SLC4A10: variants seen among roughly 807,000 people sequenced by gnomAD.
SLC4A10 encodes the protein solute carrier family 4 member 10, also known as sodium-driven chloride bicarbonate exchanger.
In SLC4A10, 42 loss-of-function variants were observed where a neutral mutation model predicts 137.7. The observed-to-expected ratio is 0.30, with a 90% CI of 0.24 to 0.39. The LOEUF is 0.39. SLC4A10 is among the 10% of genes least tolerant of loss of function. SLC4A10 has a pLI of 1.00. For missense variants in SLC4A10, 925 were observed against 1,355.0 expected (o/e 0.68, Z 4.98); for synonymous variants, 474 against 464.1 (o/e 1.02, Z -0.27).
intron 1 of SLC4A10, among the ~76,000 whole-genome samples, chr2:161,768,951 C>T (rs868264390): frequency 4.6e-5 from 7 of 152,010 alleles, no homozygotes; most frequent in Middle Eastern, 3.4e-3. Flanking sequence ...AATTCGTTTC[C>T]CATAGTCATG....
At chr2:161,926,585 A>T (rs1338836050) in intron 15 of SLC4A10, among the ~76,000 whole-genome samples, 12 of 145,670 alleles carry the variant, frequency 8.2e-5, no homozygotes, top group Non-Finnish European at 1.8e-4. Flanking sequence ...TTATGTGTGA[A>T]TTTGATCCTG....
chr2:161,657,383 A>G (rs1378839669), intron 1 of SLC4A10, among the ~76,000 whole-genome samples: 3 of 152,194 alleles, frequency 2.0e-5, no homozygotes, highest in Middle Eastern at 3.4e-3. Flanking sequence ...TACACCATGT[A>G]AAATTCGTAA....
chr2:161,807,349 G>A (rs1167135832), intron 3 of SLC4A10, among the ~76,000 whole-genome samples: 1 of 152,130 alleles, frequency 6.6e-6, no homozygotes, highest in Non-Finnish European at 1.5e-5. Context: ...GGTTCTGAAT[G>A]CCATGAGAGC....
intron 1 of SLC4A10, among the ~76,000 whole-genome samples, chr2:161,679,018 G>A (rs764533182): frequency 6.6e-6 from 1 of 151,980 alleles, no homozygotes; most frequent in Non-Finnish European, 1.5e-5. Context: ...ATTTACTTTA[G>A]TACCTATTAC....
intron 1 of SLC4A10, among the ~76,000 whole-genome samples, chr2:161,721,237 G>A (rs1189223977): frequency 3.3e-5 from 5 of 152,180 alleles, no homozygotes. Context: ...ATGCTAGCTA[G>A]TTATTTTGTA....
At chr2:161,834,887 A>G (rs1057010420) in intron 3 of SLC4A10, among the ~76,000 whole-genome samples, 2 of 152,142 alleles carry the variant, frequency 1.3e-5, no homozygotes, top group Non-Finnish European at 2.9e-5. Flanking sequence ...CTGAACTGAG[A>G]ACCCCAAGGC....
intron 1 of SLC4A10, among the ~76,000 whole-genome samples, chr2:161,714,231 A>G (rs1559089399): frequency 6.6e-6 from 1 of 151,948 alleles, no homozygotes; most frequent in Non-Finnish European, 1.5e-5. Flanking sequence ...CACATTGCCT[A>G]GGAAAGAGCC....
rs959664882 is a variant in SLC4A10 at position 161,808,705 on chromosome 2, A to G, written c.277+4110A>G. Among the ~76,000 whole-genome samples, 7 of 152,148 alleles carry G rather than the reference A, an allele frequency of 4.6e-5. 1 individual carries two copies. Among genetic ancestry groups the G allele is most frequent in the Admixed American group, 4.6e-4 (7 of 15,248 alleles). On this transcript the variant is annotated intron_variant, in intron 3 of 26. Transcript: ENST00000446997. ...TTCCTGAGTTAATTTTTTTAGGATA[A>G]TGATCTCCAGCTGCATTCATGTTGC...
chr2:161,655,420 T>A (rs1588396), intron 1 of SLC4A10, among the ~76,000 whole-genome samples: 2 of 152,054 alleles, frequency 1.3e-5, no homozygotes, highest in Non-Finnish European at 2.9e-5. Context: ...ACGAGAATGG[T>A]CATCCCTGCA....
At chr2:161,944,725 T>A (rs1411337788) in intron 16 of SLC4A10, among the ~76,000 whole-genome samples, 1 of 151,722 alleles carries the variant, frequency 6.6e-6, no homozygotes, top group Non-Finnish European at 1.5e-5. Flanking sequence ...CCAGAAACAG[T>A]CTTTATCACC....
intron 15 of SLC4A10, among the ~76,000 whole-genome samples, chr2:161,937,138 T>C (rs1252126843): frequency 6.6e-6 from 1 of 152,224 alleles, no homozygotes; most frequent in Non-Finnish European, 1.5e-5. Context: ...CACATATTTC[T>C]GCATTTTCCA....
At chr2:161,875,335 T>C (rs1269898386) in intron 8 of SLC4A10, among the ~76,000 whole-genome samples, 1 of 152,120 alleles carries the variant, frequency 6.6e-6, no homozygotes, top group African/African-American at 2.4e-5. Flanking sequence ...ATATTTTAAG[T>C]CTTAATATAC....
intron 6 of SLC4A10, among the ~76,000 whole-genome samples, chr2:161,863,407 G>A (rs924993024): frequency 3.3e-5 from 5 of 152,038 alleles, no homozygotes; most frequent in African/African-American, 1.2e-4. Flanking sequence ...TGTAATGCAG[G>A]GCTTTGACTT....
At chr2:161,814,467 C>T (rs900637807) in intron 3 of SLC4A10, among the ~76,000 whole-genome samples, 5 of 152,070 alleles carry the variant, frequency 3.3e-5, no homozygotes, top group African/African-American at 1.2e-4. Flanking sequence ...TCAAAAGGCA[C>T]ATGGACACGA....
intron 12 of SLC4A10, among the ~76,000 whole-genome samples, chr2:161,901,329 A>G (rs2105304264): frequency 6.6e-6 from 1 of 152,282 alleles, no homozygotes; most frequent in South Asian, 2.1e-4. Flanking sequence ...GAAAGCTTCA[A>G]GTTGAAGATA....
intron 2 of SLC4A10, among the ~76,000 whole-genome samples, chr2:161,782,580 A>G (rs2053163410): frequency 6.6e-6 from 1 of 151,842 alleles, no homozygotes; most frequent in East Asian, 1.9e-4. Flanking sequence ...ACTGTCATAA[A>G]GATGCTCACT....
At chr2:161,741,841 T>C (rs990085207) in intron 1 of SLC4A10, among the ~76,000 whole-genome samples, 1 of 152,220 alleles carries the variant, frequency 6.6e-6, no homozygotes, top group Non-Finnish European at 1.5e-5. Context: ...TTGTACTCTC[T>C]CATTATTCTA....
chr2:161,670,858 T>G (rs1363068770), intron 1 of SLC4A10, among the ~76,000 whole-genome samples: 1 of 152,114 alleles, frequency 6.6e-6, no homozygotes, highest in African/African-American at 2.4e-5. Context: ...TCTATGCAGC[T>G]TTTTCAGACC....
chr2:161,657,104 C>T (rs1163880267), intron 1 of SLC4A10, among the ~76,000 whole-genome samples: 1 of 101,188 alleles, frequency 9.9e-6, no homozygotes, highest in African/African-American at 3.2e-5. Context: ...ATAAACACGA[C>T]AAATTTGCAG....
Sources: allele counts gnomAD v4.1 joint callset (sites outside exome capture counted in the v4.1 genomes callset), GRCh38; gene constraint gnomAD v4.1.1; transcripts MANE v1.5; gene names NCBI Gene and HGNC (gene_info 2026-07-23, HGNC 2026-07-21).